SLC48A1: variants seen among roughly 807,000 people sequenced by gnomAD.
SLC48A1 encodes solute carrier family 48 member 1.
In SLC48A1, 6 loss-of-function variants were observed where a neutral mutation model predicts 14.8. That is an observed-to-expected ratio of 0.41 (90% CI 0.22 to 0.80). SLC48A1 has a LOEUF of 0.80. Among genes scored for constraint, SLC48A1 ranks in the 30% least tolerant of loss-of-function variants. The probability of loss-of-function intolerance (pLI) is 0.34; values close to 1 mark genes in which losing one functional copy is unlikely to be tolerated. For synonymous variants in SLC48A1, 89 were observed against 90.0 expected, an observed-to-expected ratio of 0.99 and a Z score of 0.06; for missense variants, 165 against 204.8, an observed-to-expected ratio of 0.81 and a Z score of 1.19.
intron 2 of SLC48A1, among the ~76,000 whole-genome samples, chr12:47,779,423 A>G (rs1450311900): frequency 6.6e-6 from 1 of 152,180 alleles, no homozygotes; most frequent in Non-Finnish European, 1.5e-5. Context: ...CATAGCCCAT[A>G]CAAGCACTCC....
upstream of SLC48A1, chr12:47,758,493 T>A (rs1310507887): frequency 6.3e-7 from 1 of 1,597,668 alleles, no homozygotes; most frequent in African/African-American, 1.3e-5. Context: ...CCCCACCGTG[T>A]CAGCTTCCTC....
upstream of SLC48A1, among the ~76,000 whole-genome samples, chr12:47,770,325 C>T (rs573488376): frequency 6.6e-6 from 1 of 152,360 alleles, no homozygotes; most frequent in East Asian, 1.9e-4. Flanking sequence ...TTGCTCTCCT[C>T]CTTCTGTCTG....
upstream of SLC48A1, among the ~76,000 whole-genome samples, chr12:47,767,556 C>G (rs1942542701): frequency 6.6e-6 from 1 of 152,116 alleles, no homozygotes; most frequent in Non-Finnish European, 1.5e-5. Flanking sequence ...CCCAATGAAT[C>G]AGGACGAGTC....
Position 47,780,565 on chromosome 12 carries a change from TTTC to T in SLC48A1, c.*287_*289del, listed in dbSNP as rs765940530. The T allele has an allele frequency of 3.9e-5, 23 of 593,492 alleles. No homozygotes were observed. The highest frequency in any genetic ancestry group is 2.5e-4 in the African/African-American group (13 of 52,162). 36.8% of individuals were successfully genotyped at this position (593,492 alleles called of 1,614,324 possible). On this transcript the variant is annotated 3_prime_UTR_variant, in exon 3 of 3. Transcript: ENST00000442218. ...TCTGTTTTCTTTTCTTTCTTTTTTT[TTTC>T]TTTTTTTTTTTTTTTTGAGATGGAG...
upstream of SLC48A1, chr12:47,758,040 C>T (rs1250399826): frequency 6.3e-7 from 1 of 1,574,824 alleles, no homozygotes; most frequent in East Asian, 2.3e-5. Context: ...CCTCCACAGC[C>T]AGGCCCACCT....
chr12:47,767,033 T>TC (rs1445484082), upstream of SLC48A1, among the ~76,000 whole-genome samples: 1 of 152,120 alleles, frequency 6.6e-6, no homozygotes, highest in Admixed American at 6.5e-5. Context: ...CCCTTTCTGC[T>TC]CTGTGGTCTA....
intron 1 of SLC48A1, among the ~76,000 whole-genome samples, chr12:47,778,035 G>A (rs547965931): frequency 1.2e-4 from 19 of 152,352 alleles, no homozygotes; most frequent in Non-Finnish European, 2.2e-4. Flanking sequence ...CCAGCTGAGA[G>A]CCTGCAGCTG....
At chr12:47,755,721 T>C (rs1942015276), upstream of SLC48A1, 3 of 152,240 alleles carry the variant, frequency 2.0e-5, no homozygotes, top group Non-Finnish European at 4.4e-5. Flanking sequence ...GAAAGAGCTG[T>C]CTTCAGACTT....
In SLC48A1 at chr12:47,773,453, G is replaced by T. The variant is rs1942671737; in HGVS notation, c.136+13G>T. 28 of 1,342,440 alleles carry T rather than the reference G, an allele frequency of 2.1e-5. No homozygotes were observed. The highest frequency in any genetic ancestry group is 2.6e-5 in the Non-Finnish European group (27 of 1,039,528). The allele number at this position is 1,342,440 out of a possible 1,614,324, so 83.2% of individuals were successfully genotyped here. A position where few individuals can be genotyped will look rare whatever the true frequency, so the allele number is the denominator to read the frequency against. On this transcript the variant is annotated intron_variant, in intron 1 of 2. Transcript: ENST00000442218. ...GGAGGGCTCGCAGGTACCCCGGGAC[G>T]CTGGGCGGCGCGGGGCGGGTGCGCG... is the stretch of plus-strand genomic sequence containing the variant.
intron 2 of SLC48A1, among the ~76,000 whole-genome samples, chr12:47,765,878 C>T (rs1023337987): frequency 3.3e-5 from 5 of 152,064 alleles, no homozygotes; most frequent in African/African-American, 4.8e-5. Flanking sequence ...TTAATAGTAA[C>T]CAAGTTTCTC....
At chr12:47,758,572 C>T, upstream of SLC48A1, 1 of 1,613,958 alleles carries the variant, frequency 6.2e-7, no homozygotes, top group Non-Finnish European at 8.5e-7. Context: ...TTTTCAAGCT[C>T]GCACAGCCGT....
At chr12:47,758,859 G>A (rs1942262503) in intron 1 of SLC48A1, 2 of 1,181,944 alleles carry the variant, frequency 1.7e-6, no homozygotes, top group South Asian at 3.5e-5. Context: ...GCTGGCACCG[G>A]GCGCTGAAGC....
upstream of SLC48A1, among the ~76,000 whole-genome samples, chr12:47,770,164 T>A (rs919788241): frequency 6.6e-6 from 1 of 152,274 alleles, no homozygotes; most frequent in African/African-American, 2.4e-5. Context: ...ATTTAAAAAA[T>A]GTTTAAGCCT....
chr12:47,761,844 G>A (rs1029438583), intron 2 of SLC48A1, among the ~76,000 whole-genome samples: 10 of 152,154 alleles, frequency 6.6e-5, no homozygotes, highest in African/African-American at 2.4e-4. Flanking sequence ...ACAACCCTAT[G>A]AGATAAGGTT....
Position 47,778,889 on chromosome 12 carries a change from G to A in SLC48A1, c.137-139G>A, listed in dbSNP as rs759410087. ...ACCTGCTTCTGATATCACAGCCTCC[G>A]AAAAGGAAAACTCCATTCTATGAGG... On this transcript the variant is annotated intron_variant, in intron 1 of 2. Coordinates refer to ENST00000442218, the MANE Select transcript of SLC48A1 (RefSeq NM_017842.3). 2.5e-5 allele frequency: 26 copies of A among 1,060,742 alleles called. No individual in the cohort carries two copies. The Admixed American group carries it at 3.7e-4, about 15-fold the overall frequency. 65.7% of individuals were successfully genotyped at this position (1,060,742 alleles called of 1,614,324 possible).
chr12:47,768,272 C>T (rs1449140554), upstream of SLC48A1, among the ~76,000 whole-genome samples: 2 of 152,134 alleles, frequency 1.3e-5, no homozygotes, highest in African/African-American at 4.8e-5. Context: ...CCACTGCACC[C>T]GGCCATGGCT....
upstream of SLC48A1, chr12:47,758,088 G>A (rs1356347468): frequency 1.0e-5 from 16 of 1,555,756 alleles, no homozygotes; most frequent in Middle Eastern, 4.0e-4. Flanking sequence ...CCTGTGACAC[G>A]GGGAGGAAAG....
intron 1 of SLC48A1, among the ~76,000 whole-genome samples, chr12:47,774,066 C>G (rs1233080920): frequency 6.6e-6 from 1 of 152,190 alleles, no homozygotes; most frequent in Non-Finnish European, 1.5e-5. Flanking sequence ...CATGTTGGTG[C>G]CTTTTTGCTA....
upstream of SLC48A1, among the ~76,000 whole-genome samples, chr12:47,767,701 A>G (rs959050135): frequency 2.6e-5 from 4 of 152,252 alleles, no homozygotes. Flanking sequence ...CTGAGGAGGT[A>G]ACATTTGAGC....
Sources: allele counts gnomAD v4.1 joint callset (sites outside exome capture counted in the v4.1 genomes callset), GRCh38; gene constraint gnomAD v4.1.1; transcripts MANE v1.5; gene names NCBI Gene and HGNC (gene_info 2026-07-23, HGNC 2026-07-21).